Variants in SEMA3A observed in about 807,000 individuals in gnomAD.
The protein encoded by SEMA3A is semaphorin-3A.
In SEMA3A, 29 loss-of-function variants were observed where a neutral mutation model predicts 97.9. The ratio of observed to expected loss-of-function variants is 0.30; its 90% CI spans 0.22 to 0.40. SEMA3A has a LOEUF of 0.40. SEMA3A is among the 10% of genes least tolerant of loss of function. The probability of loss-of-function intolerance (pLI) is 1.00; values close to 1 mark genes in which losing one functional copy is unlikely to be tolerated. For synonymous variants in SEMA3A, 321 were observed against 323.7 expected (o/e 0.99, Z 0.09); for missense variants, 763 against 951.3 (o/e 0.80, Z 2.60).
At chr7:84,052,582 T>C (rs879344097) in intron 5 of SEMA3A, among the ~76,000 whole-genome samples, 9 of 152,094 alleles carry the variant, frequency 5.9e-5, no homozygotes, top group Non-Finnish European at 8.8e-5. Context: ...TTTTATTGTG[T>C]CTATTTGATT....
intron 1 of SEMA3A, among the ~76,000 whole-genome samples, chr7:84,439,269 G>T (rs1309927600): frequency 6.6e-6 from 1 of 152,000 alleles, no homozygotes; most frequent in African/African-American, 2.4e-5. Context: ...CCCACTTTAA[G>T]CCCAGGAAGA....
chr7:84,094,734 T>C (rs1045991020), intron 4 of SEMA3A, among the ~76,000 whole-genome samples: 1 of 152,200 alleles, frequency 6.6e-6, no homozygotes, highest in African/African-American at 2.4e-5. Context: ...ACACAAAAAC[T>C]CACAAACCTG....
intron 3 of SEMA3A, among the ~76,000 whole-genome samples, chr7:84,208,440 T>C (rs1798550080): frequency 6.6e-6 from 1 of 150,710 alleles, no homozygotes; most frequent in Non-Finnish European, 1.5e-5. Flanking sequence ...TGACAGAGAC[T>C]CCGTCTCAAA....
intron 3 of SEMA3A, among the ~76,000 whole-genome samples, chr7:84,242,198 G>C (rs1280647587): frequency 2.0e-5 from 3 of 151,992 alleles, no homozygotes; most frequent in Non-Finnish European, 2.9e-5. Flanking sequence ...GGATAGTATT[G>C]AATCTATAAA....
At chr7:84,004,060 T>A (rs1052792690) in intron 11 of SEMA3A, among the ~76,000 whole-genome samples, 9 of 87,966 alleles carry the variant, frequency 1.0e-4, no homozygotes, top group African/African-American at 3.9e-4. Flanking sequence ...GTTAATGCAA[T>A]TTTTTTTCTG....
intron 1 of SEMA3A, among the ~76,000 whole-genome samples, chr7:84,378,294 G>C (rs900976764): frequency 6.6e-6 from 1 of 151,890 alleles, no homozygotes; most frequent in Non-Finnish European, 1.5e-5. Context: ...CAATAGCAAA[G>C]ACTTGGAACC....
At chr7:84,452,120 A>C (rs1171203324) in intron 1 of SEMA3A, among the ~76,000 whole-genome samples, 1 of 152,182 alleles carries the variant, frequency 6.6e-6, no homozygotes, top group Non-Finnish European at 1.5e-5. Flanking sequence ...ACCTGACAAC[A>C]GCCAGAATAA....
intron 3 of SEMA3A, among the ~76,000 whole-genome samples, chr7:84,304,928 C>A (rs183780599): frequency 1.3e-5 from 2 of 151,832 alleles, no homozygotes; most frequent in Admixed American, 1.3e-4. Context: ...TAAATAAATG[C>A]TTGAAATCTT....
intron 3 of SEMA3A, among the ~76,000 whole-genome samples, chr7:84,203,600 C>T (rs1282754047): frequency 2.9e-5 from 4 of 139,310 alleles, no homozygotes; most frequent in African/African-American, 1.1e-4. Context: ...GACACAATCT[C>T]GGCTCACTGC....
At chr7:84,390,997 G>A (rs1389048655) in intron 1 of SEMA3A, among the ~76,000 whole-genome samples, 1 of 152,132 alleles carries the variant, frequency 6.6e-6, no homozygotes, top group Non-Finnish European at 1.5e-5. Flanking sequence ...GGCCCTCTCT[G>A]CCTGTAGCTT....
At chr7:84,222,217 A>T (rs1798898402) in intron 3 of SEMA3A, among the ~76,000 whole-genome samples, 1 of 152,032 alleles carries the variant, frequency 6.6e-6, no homozygotes, top group African/African-American at 2.4e-5. Context: ...TAAAATATAA[A>T]GGGAATTAAA....
At chr7:83,990,026 G>T (rs1372508288) in intron 12 of SEMA3A, among the ~76,000 whole-genome samples, 2 of 151,904 alleles carry the variant, frequency 1.3e-5, no homozygotes, top group Non-Finnish European at 2.9e-5. Flanking sequence ...GGTGTGAGAT[G>T]GTATCTCATT....
At position 84,163,914 on chromosome 7, in the gene SEMA3A, C is replaced by T. The variant is rs191403224; in HGVS notation, c.113-28963G>A. Among the ~76,000 whole-genome samples the T allele has an allele frequency of 1.0e-4, 15 of 150,172 alleles. No individual in the cohort carries two copies. In the South Asian group the frequency reaches 1.7e-3, roughly 17 times the overall value. Reference sequence around the variant, plus strand: ...AGGCTAGAGTGCAATGGATCAATCTCGGCTCACCGCAACCTCCGCCTCCTG... The same window carrying T: ...AGGCTAGAGTGCAATGGATCAATCTTGGCTCACCGCAACCTCCGCCTCCTG... On this transcript the variant is annotated intron_variant, in intron 1 of 16. Coordinates refer to ENST00000265362, the MANE Select transcript of SEMA3A (RefSeq NM_006080.3).
At chr7:84,422,795 G>T (rs1453284885) in intron 1 of SEMA3A, among the ~76,000 whole-genome samples, 1 of 152,054 alleles carries the variant, frequency 6.6e-6, no homozygotes, top group East Asian at 1.9e-4. Context: ...TCAGGAGCAG[G>T]TTGTTCAGTT....
At chr7:84,062,286 C>T (rs1268930624) in intron 4 of SEMA3A, among the ~76,000 whole-genome samples, 1 of 151,918 alleles carries the variant, frequency 6.6e-6, no homozygotes, top group Non-Finnish European at 1.5e-5. Flanking sequence ...TTCACAAATA[C>T]GAATTTATCA....
At chr7:84,024,797 G>A (rs1791488461) in intron 6 of SEMA3A, among the ~76,000 whole-genome samples, 2 of 152,042 alleles carry the variant, frequency 1.3e-5, no homozygotes, top group African/African-American at 2.4e-5. Context: ...AAAGTTAATG[G>A]TAACATAAGA....
chr7:84,340,400 T>C (rs1251842331), intron 2 of SEMA3A, among the ~76,000 whole-genome samples: 4 of 152,178 alleles, frequency 2.6e-5, no homozygotes, highest in African/African-American at 9.7e-5. Context: ...TCTAGATGGA[T>C]ATAGATATAA....
chr7:84,098,996 C>CGTG (rs1794861312), intron 4 of SEMA3A, among the ~76,000 whole-genome samples: 2 of 151,610 alleles, frequency 1.3e-5, no homozygotes, highest in Admixed American at 6.6e-5. Context: ...TAACAACAAT[C>CGTG]GTGGACAATA....
intron 1 of SEMA3A, among the ~76,000 whole-genome samples, chr7:84,404,231 G>C (rs1387689839): frequency 6.6e-6 from 1 of 152,132 alleles, no homozygotes; most frequent in Non-Finnish European, 1.5e-5. Flanking sequence ...CACAGGACGA[G>C]AACTACGTAA....
Sources: allele counts gnomAD v4.1 joint callset (sites outside exome capture counted in the v4.1 genomes callset), GRCh38; gene constraint gnomAD v4.1.1; transcripts MANE v1.5; gene names NCBI Gene and HGNC (gene_info 2026-07-23, HGNC 2026-07-21).